FOXP2: variants seen among roughly 807,000 people sequenced by gnomAD.
FOXP2 encodes the protein forkhead box protein P2.
FOXP2 carries 12 observed loss-of-function variants against 115.8 expected under a neutral mutation model. The observed-to-expected ratio is 0.10, with a 90% CI of 0.07 to 0.17. FOXP2 has a LOEUF of 0.17. FOXP2 is among the 10% of genes least tolerant of loss of function. FOXP2 has a pLI of 1.00. For missense variants in FOXP2, 629 were observed against 843.5 expected (o/e 0.75, Z 3.15); for synonymous variants, 328 against 297.7 (o/e 1.10, Z -1.05).
At chr7:114,253,095 A>T (rs1795498506) in intron 1 of FOXP2, among the ~76,000 whole-genome samples, 2 of 152,078 alleles carry the variant, frequency 1.3e-5, no homozygotes, top group African/African-American at 2.4e-5. Flanking sequence ...CATGTAATTG[A>T]GCGGTTTTGG....
At chr7:114,191,608 T>C (rs1397232213) in intron 1 of FOXP2, among the ~76,000 whole-genome samples, 1 of 152,232 alleles carries the variant, frequency 6.6e-6, no homozygotes, top group African/African-American at 2.4e-5. Flanking sequence ...CTTTTTTGAC[T>C]AGTGGGCTTT....
intron 2 of FOXP2, among the ~76,000 whole-genome samples, chr7:114,403,290 C>T (rs1792938213): frequency 6.6e-6 from 1 of 152,160 alleles, no homozygotes; most frequent in Non-Finnish European, 1.5e-5. Context: ...TCATCAACTG[C>T]ATCACAGCAA....
chr7:114,130,920 G>A (rs1294790822), intron 1 of FOXP2, among the ~76,000 whole-genome samples: 1 of 152,162 alleles, frequency 6.6e-6, no homozygotes, highest in Non-Finnish European at 1.5e-5. Flanking sequence ...TGCTCACTGA[G>A]TATAAATAAA....
intron 2 of FOXP2, among the ~76,000 whole-genome samples, chr7:114,362,285 CAATG>C (rs1378396066): frequency 6.6e-6 from 1 of 151,842 alleles, no homozygotes; most frequent in Admixed American, 6.6e-5. Context: ...ATCAAAAGAA[CAATG>C]AATAACCTTA....
rs572249686 is a variant in FOXP2, at chr7:114,577,578, A to G, written c.258+42872A>G. ...AACAGTTTGTAATGCTCAGGCTCTCACAATCATGCTCCTTAGCTCCTTTCC... is the reference window on the plus strand; with the variant it reads ...AACAGTTTGTAATGCTCAGGCTCTCGCAATCATGCTCCTTAGCTCCTTTCC... On this transcript the variant is annotated intron_variant, in intron 3 of 16. Transcript: ENST00000350908. 1.1e-3 allele frequency among the ~76,000 whole-genome samples: 162 copies of G among 152,062 alleles called. 1 individual carries two copies. Among genetic ancestry groups the G allele is most frequent in the Non-Finnish European group, 1.7e-3 (116 of 67,852 alleles).
chr7:114,487,967 A>G (rs1429686073), intron 2 of FOXP2, among the ~76,000 whole-genome samples: 1 of 152,210 alleles, frequency 6.6e-6, no homozygotes, highest in Non-Finnish European at 1.5e-5. Context: ...TATATTTACA[A>G]CAGCACCCAA....
intron 2 of FOXP2, among the ~76,000 whole-genome samples, chr7:114,453,874 G>T (rs1795173249): frequency 6.6e-6 from 1 of 151,818 alleles, no homozygotes; most frequent in Non-Finnish European, 1.5e-5. Flanking sequence ...AATTCAAGAT[G>T]GATTAAAGAT....
intron 2 of FOXP2, among the ~76,000 whole-genome samples, chr7:114,334,381 T>TAA (rs5886700): frequency 1.4e-5 from 2 of 146,268 alleles, no homozygotes; most frequent in African/African-American, 5.1e-5. Context: ...ACTTCTGAGC[T>TAA]AAAAAAAAAA....
chr7:114,496,999 T>C (rs897453563), intron 2 of FOXP2, among the ~76,000 whole-genome samples: 1 of 152,184 alleles, frequency 6.6e-6, no homozygotes. Flanking sequence ...CAAAGTTGTA[T>C]ATAGGTAGTA....
chr7:114,260,427 G>A (rs573393033), intron 1 of FOXP2, among the ~76,000 whole-genome samples: 8 of 151,946 alleles, frequency 5.3e-5, no homozygotes, highest in Non-Finnish European at 1.0e-4. Context: ...TGATTAATGG[G>A]TCCTAGTAAG....
chr7:114,505,252 C>A (rs1476559969), intron 2 of FOXP2, among the ~76,000 whole-genome samples: 11 of 151,430 alleles, frequency 7.3e-5, no homozygotes. Context: ...AATGTAGGAG[C>A]ACTCATTCTC....
At chr7:114,391,866 T>G (rs1487949850) in intron 2 of FOXP2, among the ~76,000 whole-genome samples, 1 of 152,226 alleles carries the variant, frequency 6.6e-6, no homozygotes, top group Non-Finnish European at 1.5e-5. Context: ...TTCTAGTTTG[T>G]GTCAAACTCT....
intron 1 of FOXP2, among the ~76,000 whole-genome samples, chr7:114,254,633 T>G (rs1009134397): frequency 4.6e-5 from 7 of 152,162 alleles, no homozygotes; most frequent in African/African-American, 1.4e-4. Context: ...TGCCATGGTT[T>G]TCAGCTCCAT....
At chr7:114,266,881 C>T (rs1278530168) in intron 1 of FOXP2, among the ~76,000 whole-genome samples, 1 of 152,060 alleles carries the variant, frequency 6.6e-6, no homozygotes, top group Non-Finnish European at 1.5e-5. Flanking sequence ...TTATGTAGTG[C>T]CAACTGTGAG....
chr7:114,566,891 TTATA>T (rs1322587584), intron 3 of FOXP2, among the ~76,000 whole-genome samples: 1 of 151,836 alleles, frequency 6.6e-6, no homozygotes, highest in Non-Finnish European at 1.5e-5. Context: ...CATGTATATA[TTATA>T]TATTTTTGTA....
intron 2 of FOXP2, among the ~76,000 whole-genome samples, chr7:114,470,759 C>A (rs1418343298): frequency 6.6e-6 from 1 of 152,106 alleles, no homozygotes; most frequent in African/African-American, 2.4e-5. Context: ...CCCTAACATA[C>A]AAATCCAGTT....
At chr7:114,522,825 G>A (rs1798686043) in intron 2 of FOXP2, among the ~76,000 whole-genome samples, 1 of 151,924 alleles carries the variant, frequency 6.6e-6, no homozygotes, top group African/African-American at 2.4e-5. Context: ...TTTCTTAATG[G>A]CTAGAATAGA....
At chr7:114,402,749 C>G (rs375608798) in intron 2 of FOXP2, among the ~76,000 whole-genome samples, 1 of 152,008 alleles carries the variant, frequency 6.6e-6, no homozygotes, top group Admixed American at 6.6e-5. Context: ...GCCTCAGCCC[C>G]CTGAGTAGCT....
intron 3 of FOXP2, among the ~76,000 whole-genome samples, chr7:114,583,934 T>G (rs1801993759): frequency 6.6e-6 from 1 of 152,194 alleles, no homozygotes; most frequent in Non-Finnish European, 1.5e-5. Context: ...AAAGTTTTGG[T>G]CAAAGTATCG....
Sources: allele counts gnomAD v4.1 joint callset (sites outside exome capture counted in the v4.1 genomes callset), GRCh38; gene constraint gnomAD v4.1.1; transcripts MANE v1.5; gene names NCBI Gene and HGNC (gene_info 2026-07-23, HGNC 2026-07-21).